The following FCRL3 variants were observed in gnomAD, a reference collection of about 807,000 sequenced individuals.
FCRL3 encodes the protein Fc receptor-like protein 3.
Under a neutral mutation model 75.0 loss-of-function variants are expected in FCRL3, and 89 were observed. That is an observed-to-expected ratio of 1.19 (90% confidence interval 1.00 to 1.42). The LOEUF (loss-of-function observed/expected upper bound fraction) is 1.42. FCRL3 is among the 40% of genes most tolerant of loss of function. FCRL3 has a pLI of 0.00. For missense variants in FCRL3, 946 were observed against 880.0 expected (o/e 1.07, Z -0.95); for synonymous variants, 376 against 348.5 (o/e 1.08, Z -0.88).
Position 157,695,559 on chromosome 1 carries a change from G to A in FCRL3, c.1181C>T (p.Thr394Ile). Residue 394 changes from threonine (T) to isoleucine (I), a missense_variant, in exon 8 of 15, where the codon ACT becomes ATT. Thr to Ile is a moderately conservative substitution (Grantham distance 89). Coordinates refer to ENST00000368184, the MANE Select transcript of FCRL3 (RefSeq NM_052939.4). ...VLTFRAPRAH[T>I]VVGDLLELHC... ...AAGCTCCAGCAGGTCCCCCACCACA[G>A]TGTGGGCCCTGGGAGCCCTGAAGGT... 6.2e-7 allele frequency: 1 copy of A among 1,614,032 alleles called. No individual in the cohort carries two copies. Among genetic ancestry groups the A allele is most frequent in the South Asian group, 1.1e-5 (1 of 91,078 alleles).
In FCRL3 at chr1:157,696,278, C is replaced by A. The variant is rs1197231300; in HGVS notation, c.894G>T (p.Gln298His). Reference sequence around the variant, plus strand: ...GGACCATATTTTCTCCTTCAATCAGCTGCCCTCCGGTGGGCCGGATCTCTA... The same window carrying A: ...GGACCATATTTTCTCCTTCAATCAGATGCCCTCCGGTGGGCCGGATCTCTA... The part of the protein sequence containing the change: ...VNLEIRPTGG[Q>H]LIEGENMVLI... The change falls in exon 7 of 15, where the codon CAG (glutamine) becomes CAT (histidine). Residue 298 changes from glutamine (Q) to histidine (H), a missense_variant. By Grantham distance (24) the Gln-to-His change is conservative (BLOSUM62 0). Transcript: ENST00000368184. 6.2e-7 allele frequency: 1 copy of A among 1,614,106 alleles called. No homozygotes were observed. The highest frequency in any genetic ancestry group is 8.5e-7 in the Non-Finnish European group (1 of 1,180,032).
In FCRL3 at chr1:157,700,577, A is replaced by C; in HGVS notation, c.-88T>G. Reference sequence around the variant, plus strand: ...GAAGGAGGGCAGGAAGCTGCTACTCAGATGAGACCTGCAAGAATCAGAAAA... The same window carrying C: ...GAAGGAGGGCAGGAAGCTGCTACTCCGATGAGACCTGCAAGAATCAGAAAA... On this transcript the variant is annotated 5_prime_UTR_variant, in exon 2 of 15. Transcript: ENST00000368184. 1 of 1,608,708 alleles carries C rather than the reference A, an allele frequency of 6.2e-7. No homozygotes were observed. Among genetic ancestry groups the C allele is most frequent in the Admixed American group, 1.7e-5 (1 of 59,020 alleles).
intron 10 of FCRL3, among the ~76,000 whole-genome samples, chr1:157,684,946 A>C (rs1012945164): frequency 5.3e-5 from 8 of 152,104 alleles, no homozygotes; most frequent in Non-Finnish European, 8.8e-5. Flanking sequence ...TGCTATGAGG[A>C]GGTACAATAA....
intron 7 of FCRL3, 48 bp from the exon 8 acceptor site, chr1:157,695,655 T>G (rs1283609576): frequency 2.6e-6 from 4 of 1,545,020 alleles, no homozygotes; most frequent in South Asian, 1.3e-5. Context: ...TTGTGACAGA[T>G]GCACAACCTC....
chr1:157,689,520 G>T (rs750314681), intron 10 of FCRL3, among the ~76,000 whole-genome samples: 1 of 151,958 alleles, frequency 6.6e-6, no homozygotes, highest in Non-Finnish European at 1.5e-5. Context: ...ACTTTCTTAG[G>T]GAGATAGAAC....
intron 12 of FCRL3, 40 bp downstream of exon 12, chr1:157,680,941 G>A: frequency 6.6e-7 from 1 of 1,521,630 alleles, no homozygotes; most frequent in Non-Finnish European, 8.9e-7. Flanking sequence ...TCCCTCCCTG[G>A]CTCCTCCCTA....
At position 157,678,983 on chromosome 1, in the gene FCRL3, A is replaced by G. The variant is rs775182398; in HGVS notation, c.2027-10T>C. 6.2e-7 allele frequency: 1 copy of G among 1,614,158 alleles called. No homozygotes were observed. Among genetic ancestry groups the G allele is most frequent in the Non-Finnish European group, 8.5e-7 (1 of 1,179,984 alleles). On this transcript the variant is annotated splice_polypyrimidine_tract_variant and intron_variant, in intron 13 of 14. Transcript: ENST00000368184. ...ATCATTGGACAATTAGCTGTTGGGTAGGAGTAGCAAAGAAAAGTATTAAAC... is the reference window on the plus strand; with the variant it reads ...ATCATTGGACAATTAGCTGTTGGGTGGGAGTAGCAAAGAAAAGTATTAAAC...
chr1:157,680,270 A>T (rs1557820304), intron 13 of FCRL3, among the ~76,000 whole-genome samples: 1 of 152,196 alleles, frequency 6.6e-6, no homozygotes, highest in Non-Finnish European at 1.5e-5. Flanking sequence ...AGGGCAGTTA[A>T]TCTAGGCACT....
rs148422137 is a variant in FCRL3 at position 157,696,286 on chromosome 1, C to T, written c.886G>A (p.Gly296Arg). ...SNVNLEIRPT[G>R]GQLIEGENMV... The stretch of plus-strand genomic sequence containing the variant: ...TTTTCTCCTTCAATCAGCTGCCCTC[C>T]GGTGGGCCGGATCTCTAGATTCACA... Residue 296 changes from glycine (G) to arginine (R), a missense_variant, in exon 7 of 15, where the codon GGA becomes AGA. By Grantham distance (125) the Gly-to-Arg change is moderately radical. Transcript: ENST00000368184. The T allele has an allele frequency of 2.3e-3, 3,714 of 1,613,944 alleles. 9 individuals are homozygous for T. The highest frequency in any genetic ancestry group is 2.8e-3 in the Non-Finnish European group (3,327 of 1,180,014).
chr1:157,687,397 T>C (rs139743790), intron 10 of FCRL3, among the ~76,000 whole-genome samples: 93 of 134,328 alleles, frequency 6.9e-4, no homozygotes, highest in African/African-American at 2.4e-3. Flanking sequence ...AAAGAACTTA[T>C]AATAGAGCTA....
At chr1:157,693,274 C>CAAAAAAA (rs375572340) in intron 8 of FCRL3, among the ~76,000 whole-genome samples, 1 of 54,762 alleles carries the variant, frequency 1.8e-5, no homozygotes, top group African/African-American at 7.1e-5. Flanking sequence ...GACTCCATCT[C>CAAAAAAA]AAAAAAAAAA....
chr1:157,684,258 C>T (rs936135846), intron 10 of FCRL3, among the ~76,000 whole-genome samples: 1 of 152,188 alleles, frequency 6.6e-6, no homozygotes, highest in African/African-American at 2.4e-5. Context: ...AGGTTCCCAT[C>T]CTTGTCCTTT....
intron 8 of FCRL3, 109 bp downstream of exon 8, chr1:157,695,220 G>C: frequency 8.8e-7 from 1 of 1,131,960 alleles, no homozygotes. Flanking sequence ...GTCAGAAAGA[G>C]TGGGAAGTCT....
At chr1:157,685,703 A>G (rs1015609176) in intron 10 of FCRL3, among the ~76,000 whole-genome samples, 6 of 152,158 alleles carry the variant, frequency 3.9e-5, no homozygotes, top group African/African-American at 4.8e-5. Flanking sequence ...ATGCTGGGCC[A>G]TAAAGCAGAT....
chr1:157,695,998 T>C (rs1557832200), intron 7 of FCRL3, 42 bp downstream of exon 7: 1 of 1,538,846 alleles, frequency 6.5e-7, no homozygotes. Context: ...ACCTAAACCC[T>C]GGCTTGCAAC....
intron 4 of FCRL3, 80 bp from the exon 5 acceptor site, chr1:157,697,999 G>A: frequency 6.6e-7 from 1 of 1,505,380 alleles, no homozygotes; most frequent in Non-Finnish European, 8.9e-7. Flanking sequence ...TGAGGCAAGA[G>A]CCACAGTTCT....
intron 8 of FCRL3, among the ~76,000 whole-genome samples, chr1:157,694,078 G>A (rs528781127): frequency 6.6e-6 from 1 of 152,124 alleles, no homozygotes; most frequent in East Asian, 1.9e-4. Context: ...TTTTCTGTTT[G>A]TTTTGTAATG....
intron 8 of FCRL3, among the ~76,000 whole-genome samples, chr1:157,693,000 G>A (rs1310554863): frequency 1.3e-5 from 2 of 152,076 alleles, no homozygotes; most frequent in African/African-American, 2.4e-5. Flanking sequence ...CAGTGGCTGG[G>A]CGTGGTGGCT....
Position 157,696,214 on chromosome 1 carries a change from A to T in FCRL3, c.958T>A (p.Phe320Ile), listed in dbSNP as rs754875256. Residue 320 changes from phenylalanine (F) to isoleucine (I), a missense_variant, in exon 7 of 15, where the codon TTC becomes ATC. Phe to Ile is a conservative substitution (Grantham distance 21, BLOSUM62 0). Transcript: ENST00000368184. ...SVAQGSGTVTFSWHKEGRVRS... is the reference protein window; with the variant it reads ...SVAQGSGTVTISWHKEGRVRS... ...ACTCTTCCTTCTTTGTGCCAGGAGA[A>T]TGTGACAGTCCCTGAACCCTGGGCT... is the stretch of plus-strand genomic sequence containing the variant. 21 of 1,613,982 alleles carry T rather than the reference A, an allele frequency of 1.3e-5. No homozygotes were observed. In the Middle Eastern group the frequency reaches 9.9e-4, roughly 76 times the overall value.
Sources: allele counts gnomAD v4.1 joint callset (sites outside exome capture counted in the v4.1 genomes callset), GRCh38; gene constraint gnomAD v4.1.1; transcripts MANE v1.5; gene names NCBI Gene and HGNC (gene_info 2026-07-23, HGNC 2026-07-21).